ABCA12: variants seen among roughly 807,000 people sequenced by gnomAD.
ABCA12 encodes the protein ATP binding cassette subfamily A member 12.
A neutral mutation model predicts 293.5 loss-of-function variants in ABCA12; 156 were observed. That is an observed-to-expected ratio of 0.53 (90% CI 0.47 to 0.61). The LOEUF (loss-of-function observed/expected upper bound fraction) is 0.61, where lower values mean the gene tolerates loss of function less well. Ranked by LOEUF, ABCA12 falls within the 20% of genes least tolerant of loss-of-function variation. The probability of loss-of-function intolerance (pLI) is 0.00; values close to 1 mark genes in which losing one functional copy is unlikely to be tolerated. For synonymous variants in ABCA12, 1,063 were observed against 1,108.0 expected (o/e 0.96, Z 0.81); for missense variants, 2,797 against 3,090.2 (o/e 0.91, Z 2.25).
At chr2:215,119,905 C>T (rs1193395519) in intron 1 of ABCA12, among the ~76,000 whole-genome samples, 1 of 151,996 alleles carries the variant, frequency 6.6e-6, no homozygotes, top group African/African-American at 2.4e-5. Context: ...ACCATTTAAC[C>T]CTGCAATCCC....
At chr2:215,123,958 T>A (rs1575059468) in intron 1 of ABCA12, among the ~76,000 whole-genome samples, 1 of 152,152 alleles carries the variant, frequency 6.6e-6, no homozygotes, top group African/African-American at 2.4e-5. Flanking sequence ...GTCCATTGCA[T>A]CATTCTTATG....
intron 2 of ABCA12, among the ~76,000 whole-genome samples, chr2:215,089,432 G>A (rs773661429): frequency 1.6e-4 from 25 of 152,226 alleles, no homozygotes; most frequent in South Asian, 4.1e-4. Context: ...ACTAATTAGC[G>A]CACAGGCCAA....
intron 7 of ABCA12, among the ~76,000 whole-genome samples, chr2:215,038,237 G>A (rs1481608113): frequency 6.6e-6 from 1 of 152,054 alleles, no homozygotes. Context: ...CTAACATTTA[G>A]TTTTCTAATA....
intron 2 of ABCA12, among the ~76,000 whole-genome samples, chr2:215,067,694 G>A (rs190193565): frequency 6.6e-5 from 10 of 152,232 alleles, no homozygotes; most frequent in African/African-American, 2.4e-4. Flanking sequence ...AGGGGCCCCA[G>A]GCAAAGGCAG....
At chr2:214,954,196 T>A in intron 43 of ABCA12, 89 bp from the exon 44 acceptor site, 1 of 1,411,528 alleles carries the variant, frequency 7.1e-7, no homozygotes, top group Non-Finnish European at 9.8e-7. Flanking sequence ...AGACAAATAG[T>A]GAAACCTAAA....
chr2:215,127,071 G>T (rs1352586409), intron 1 of ABCA12, among the ~76,000 whole-genome samples: 1 of 152,172 alleles, frequency 6.6e-6, no homozygotes, highest in South Asian at 2.1e-4. Context: ...TCAGGAGCAG[G>T]TTATTTAATT....
chr2:215,097,601 G>A (rs1313484434), intron 2 of ABCA12, among the ~76,000 whole-genome samples: 2 of 152,144 alleles, frequency 1.3e-5, no homozygotes, highest in Non-Finnish European at 2.9e-5. Flanking sequence ...AATACATTGA[G>A]CAACCTTCCT....
intron 13 of ABCA12, among the ~76,000 whole-genome samples, chr2:215,018,385 T>C (rs942676716): frequency 2.0e-5 from 3 of 152,216 alleles, no homozygotes; most frequent in Non-Finnish European, 4.4e-5. Flanking sequence ...TATCTACAAG[T>C]CAAGGTTTAT....
At chr2:214,990,560 T>C in intron 24 of ABCA12, 142 bp downstream of exon 24, 1 of 795,168 alleles carries the variant, frequency 1.3e-6, no homozygotes, top group South Asian at 1.7e-5. Flanking sequence ...AGAAAAGCTA[T>C]CATTAGGACA....
chr2:214,990,636 A>AAAACAAAC (rs757283402), intron 24 of ABCA12, 66 bp downstream of exon 24: 4 of 1,541,240 alleles, frequency 2.6e-6, no homozygotes, highest in African/African-American at 1.4e-5. Context: ...TGAGAATCCA[A>AAAACAAAC]AAACAAACAA....
Position 214,958,445 on chromosome 2 carries a change from A to T in ABCA12, c.5949T>A (p.Ser1983Arg). Residue 1983 changes from serine (S) to arginine (R), a missense_variant, in exon 41 of 53, where the codon AGT becomes AGA. Physicochemically the swap from Ser to Arg is moderately radical, Grantham distance 110. Around this residue, in one of 3 missense-constraint regions of ABCA12, gnomAD observed 2,130 missense variants for 2,427.0 expected, o/e 0.88. Transcript: ENST00000272895. ...ACAGTGCCACTAAAATATCGATTAA[A>T]CTGCTGATTCTAGAGTGAGCAATAG... is the stretch of plus-strand genomic sequence containing the variant. The part of the protein sequence containing the change: ...VQDQEQATIS[S>R]LIDILVALSI... 6.2e-7 allele frequency: 1 copy of T among 1,613,838 alleles called. No individual in the cohort carries two copies. Among genetic ancestry groups the T allele is most frequent in the Non-Finnish European group, 8.5e-7 (1 of 1,179,830 alleles).
intron 11 of ABCA12, among the ~76,000 whole-genome samples, chr2:215,020,551 TTAATGAA>T (rs1223182570): frequency 6.6e-6 from 1 of 152,210 alleles, no homozygotes; most frequent in African/African-American, 2.4e-5. Context: ...GAGGAGTTGT[TTAATGAA>T]TATGGAGTTT....
chr2:214,995,321 T>G (rs1361433002), intron 23 of ABCA12, among the ~76,000 whole-genome samples: 1 of 152,216 alleles, frequency 6.6e-6, no homozygotes, highest in African/African-American at 2.4e-5. Context: ...GAAGTAGGAC[T>G]TGGGCAGCTT....
At chr2:215,012,374 G>A (rs756041714) in intron 15 of ABCA12, among the ~76,000 whole-genome samples, 16 of 152,196 alleles carry the variant, frequency 1.1e-4, no homozygotes, top group Non-Finnish European at 1.9e-4. Flanking sequence ...CATTATTCAC[G>A]ATAGCCAAAA....
intron 37 of ABCA12, 116 bp downstream of exon 37, chr2:214,970,157 G>A (rs1699354450): frequency 2.8e-6 from 3 of 1,061,574 alleles, no homozygotes; most frequent in Non-Finnish European, 4.0e-6. Flanking sequence ...AAATAAAACT[G>A]AGAATTTAAC....
At chr2:215,045,133 C>T (rs1343124500) in intron 7 of ABCA12, among the ~76,000 whole-genome samples, 2 of 152,100 alleles carry the variant, frequency 1.3e-5, no homozygotes, top group Non-Finnish European at 1.5e-5. Context: ...AATCGAACAT[C>T]ATTGATGCAG....
At chr2:214,949,220 C>T in intron 45 of ABCA12, 71 bp from the exon 46 acceptor site, 2 of 1,017,438 alleles carry the variant, frequency 2.0e-6, no homozygotes, top group South Asian at 2.5e-5. Context: ...TGTATCTCTC[C>T]CTCTTCTCCC....
chr2:215,083,278 G>C (rs1373405126), intron 2 of ABCA12, among the ~76,000 whole-genome samples: 2 of 152,202 alleles, frequency 1.3e-5, no homozygotes, highest in Non-Finnish European at 2.9e-5. Flanking sequence ...AAGAGAACAG[G>C]TGTTTGTGGT....
chr2:215,052,440 G>A, intron 5 of ABCA12, 47 bp downstream of exon 5: 3 of 1,461,802 alleles, frequency 2.1e-6, no homozygotes, highest in Non-Finnish European at 2.9e-6. Context: ...TAACCTAAAA[G>A]GCCTATGTTG....
Sources: allele counts gnomAD v4.1 joint callset (sites outside exome capture counted in the v4.1 genomes callset), GRCh38; gene constraint gnomAD v4.1.1; regional missense constraint gnomAD v4.1.1; transcripts MANE v1.5; gene names NCBI Gene and HGNC (gene_info 2026-07-23, HGNC 2026-07-21).